WDR59: variants seen among roughly 807,000 people sequenced by gnomAD.
WDR59 encodes GATOR2 complex protein WDR59.
A neutral mutation model predicts 131.2 loss-of-function variants in WDR59; 100 were observed. That is an observed-to-expected ratio of 0.76 (90% CI 0.65 to 0.90). The LOEUF (loss-of-function observed/expected upper bound fraction) is 0.90, where lower values mean the gene tolerates loss of function less well. Ranked by LOEUF, WDR59 falls within the 40% of genes least tolerant of loss-of-function variation. The pLI, the probability that WDR59 is intolerant of heterozygous loss-of-function variation, is 0.00. For missense variants in WDR59, 1,203 were observed against 1,262.2 expected (o/e 0.95, Z 0.71); for synonymous variants, 601 against 466.2 (o/e 1.29, Z -3.72).
rs573831821 is a variant in WDR59 at position 74,887,630 on chromosome 16, C to T, written c.2419+53G>A. ...GCATCAACTAAAGGTTACATATGCA[C>T]AGCTCTGGGAGAACTAAAAATCCAG... On this transcript the variant is annotated intron_variant, in intron 23 of 25. Transcript: ENST00000262144. The T allele has an allele frequency of 7.1e-6, 11 of 1,547,922 alleles. No homozygotes were observed. The East Asian group carries it at 2.2e-4, about 32-fold the overall frequency.
intron 8 of WDR59, among the ~76,000 whole-genome samples, chr16:74,927,635 A>G (rs1353971452): frequency 6.6e-6 from 1 of 151,034 alleles, no homozygotes; most frequent in Non-Finnish European, 1.5e-5. Context: ...ATAAAAAAAT[A>G]AAACTTCTAA....
rs1966001519 is a variant in WDR59, at chr16:74,909,923, A to C, written c.1390-6T>G. Reference sequence around the variant, plus strand: ...AGGGCTGTGTCCTTCAGGATCTAGAAAAGGCCCAAAACACAGTCAAGAAGA... The same window carrying C: ...AGGGCTGTGTCCTTCAGGATCTAGACAAGGCCCAAAACACAGTCAAGAAGA... On this transcript the variant is annotated splice_region_variant and splice_polypyrimidine_tract_variant and intron_variant, in intron 14 of 25. Coordinates refer to ENST00000262144, the MANE Select transcript of WDR59 (RefSeq NM_030581.4). The C allele has an allele frequency of 6.2e-7, 1 of 1,607,122 alleles. No homozygotes were observed. Among genetic ancestry groups the C allele is most frequent in the Non-Finnish European group, 8.5e-7 (1 of 1,178,240 alleles).
chr16:74,895,844 G>A (rs1016076100), intron 18 of WDR59, among the ~76,000 whole-genome samples: 5 of 152,274 alleles, frequency 3.3e-5, no homozygotes, highest in Admixed American at 2.0e-4. Context: ...TAAGACAGAC[G>A]TAGTCACATG....
chr16:74,913,093 C>A (rs2144947617), intron 13 of WDR59, among the ~76,000 whole-genome samples: 1 of 150,646 alleles, frequency 6.6e-6, no homozygotes, highest in African/African-American at 2.5e-5. Context: ...GGCCTGTTCC[C>A]AACATGTCCC....
intron 6 of WDR59, among the ~76,000 whole-genome samples, chr16:74,947,584 T>C (rs546214478): frequency 1.2e-3 from 176 of 152,332 alleles, no homozygotes; most frequent in African/African-American, 3.9e-3. Context: ...GAAACCATTT[T>C]TCAAACAATT....
intron 1 of WDR59, chr16:74,979,141 T>G (rs966247897): frequency 6.6e-6 from 1 of 152,150 alleles, no homozygotes; most frequent in Non-Finnish European, 1.5e-5. Context: ...AAAATACATC[T>G]GTCGCACTAG....
At chr16:74,956,712 T>G in intron 2 of WDR59, 102 bp from the exon 3 acceptor site, 2 of 1,442,914 alleles carry the variant, frequency 1.4e-6, no homozygotes, top group Admixed American at 4.1e-5. Context: ...CAAGCAGTGC[T>G]CCAAAAAACC....
chr16:74,939,619 T>A (rs1260273632), intron 7 of WDR59, among the ~76,000 whole-genome samples: 1 of 152,156 alleles, frequency 6.6e-6, no homozygotes, highest in Non-Finnish European at 1.5e-5. Context: ...TATGAATGAT[T>A]TTTATTTTTT....
At chr16:74,971,227 G>A (rs143257023) in intron 1 of WDR59, among the ~76,000 whole-genome samples, 36 of 151,766 alleles carry the variant, frequency 2.4e-4, no homozygotes, top group East Asian at 1.2e-3. Context: ...AAGTTCATTC[G>A]TTTCGTTAAT....
At chr16:74,979,535 T>C (rs971936284) in intron 1 of WDR59, among the ~76,000 whole-genome samples, 8 of 151,476 alleles carry the variant, frequency 5.3e-5, no homozygotes, top group Non-Finnish European at 8.8e-5. Context: ...TACCTGCAAG[T>C]TGTGTGTTTT....
intron 1 of WDR59, among the ~76,000 whole-genome samples, chr16:74,978,076 C>T (rs1382801873): frequency 6.6e-6 from 1 of 151,872 alleles, no homozygotes; most frequent in East Asian, 1.9e-4. Context: ...CCAGGACTGG[C>T]CAGGCACAGT....
chr16:74,953,175 A>T (rs1039020162), intron 3 of WDR59, among the ~76,000 whole-genome samples: 1 of 152,206 alleles, frequency 6.6e-6, no homozygotes, highest in Non-Finnish European at 1.5e-5. Context: ...AAGCTTTCTC[A>T]AAAGGTTGCC....
At chr16:74,912,414 T>C (rs988425575) in intron 13 of WDR59, 52 bp from the exon 14 acceptor site, 1 of 1,576,634 alleles carries the variant, frequency 6.3e-7, no homozygotes, top group South Asian at 1.1e-5. Flanking sequence ...AAAGCGTCTT[T>C]CGATGCAAGC....
chr16:74,955,209 A>G (rs2033225015), intron 3 of WDR59, among the ~76,000 whole-genome samples: 1 of 152,204 alleles, frequency 6.6e-6, no homozygotes, highest in African/African-American at 2.4e-5. Flanking sequence ...CCTAAACCCA[A>G]TCAGAGGTGA....
At chr16:74,977,438 C>T (rs759319032) in intron 1 of WDR59, among the ~76,000 whole-genome samples, 13 of 152,006 alleles carry the variant, frequency 8.6e-5, no homozygotes, top group Non-Finnish European at 7.4e-5. Context: ...TCTGTAATCC[C>T]AGCACTTTGG....
At chr16:74,969,645 C>T (rs1319319950) in intron 1 of WDR59, among the ~76,000 whole-genome samples, 1 of 151,784 alleles carries the variant, frequency 6.6e-6, no homozygotes, top group East Asian at 1.9e-4. Flanking sequence ...CTTTAGCTCA[C>T]TGCCACCTCT....
In WDR59 at chr16:74,921,931, G is replaced by A. The variant is rs758929576; in HGVS notation, c.886+16C>T. ...GAGCTCAGAAGGAAAGTGGGCAGCA[G>A]GCCTCTCCCACTCACCTTCCTTCTG... is the stretch of plus-strand genomic sequence containing the variant. On this transcript the variant is annotated intron_variant, in intron 10 of 25. Coordinates refer to ENST00000262144, the MANE Select transcript of WDR59 (RefSeq NM_030581.4). The A allele has an allele frequency of 4.2e-5, 68 of 1,612,032 alleles. No homozygotes were observed. Among genetic ancestry groups the A allele is most frequent in the Non-Finnish European group, 5.0e-5 (59 of 1,179,246 alleles).
chr16:74,983,388 G>C (rs544417864), intron 1 of WDR59, among the ~76,000 whole-genome samples: 112 of 152,032 alleles, frequency 7.4e-4, no homozygotes, highest in African/African-American at 2.4e-3. Flanking sequence ...CACAAGAATC[G>C]TTTGAACCTG....
chr16:74,955,472 A>G (rs1431416851), intron 3 of WDR59, among the ~76,000 whole-genome samples: 1 of 152,100 alleles, frequency 6.6e-6, no homozygotes, highest in Non-Finnish European at 1.5e-5. Flanking sequence ...AAACCAACTA[A>G]AAGAGCTCCT....
Sources: gnomAD v4.1 joint callset for allele counts (sites outside exome capture counted in the v4.1 genomes callset) on GRCh38, gnomAD v4.1.1 for gene constraint, MANE v1.5 for transcripts, NCBI Gene and HGNC (gene_info 2026-07-23, HGNC 2026-07-21) for gene names.